The following ARMC9 variants were observed in gnomAD, a reference collection of about 807,000 sequenced individuals.
The protein encoded by ARMC9 is lisH domain-containing protein ARMC9.
In ARMC9, 94 loss-of-function variants were observed where a neutral mutation model predicts 107.0. The ratio of observed to expected loss-of-function variants is 0.88; its 90% CI spans 0.74 to 1.04. ARMC9 has a LOEUF of 1.04. Among genes scored for constraint, ARMC9 ranks in the 50% least tolerant of loss-of-function variants. ARMC9 has a pLI of 0.00. For missense variants in ARMC9, 942 were observed against 1,030.1 expected, an observed-to-expected ratio of 0.91 and a Z score of 1.17; for synonymous variants, 380 against 396.9, an observed-to-expected ratio of 0.96 and a Z score of 0.51.
At chr2:231,303,386 T>C (rs150074052) in intron 19 of ARMC9, among the ~76,000 whole-genome samples, 37 of 152,354 alleles carry the variant, frequency 2.4e-4, no homozygotes, top group African/African-American at 8.2e-4. Flanking sequence ...GAGACTCTAG[T>C]ACAATGCCAA....
intron 20 of ARMC9, among the ~76,000 whole-genome samples, chr2:231,340,678 G>A (rs1327835918): frequency 6.6e-6 from 1 of 152,142 alleles, no homozygotes; most frequent in Non-Finnish European, 1.5e-5. Flanking sequence ...CCTGAGGTCA[G>A]GAGTTCGAGA....
rs1396484730 is a variant in ARMC9 at position 231,282,062 on chromosome 2, C to T, written c.1555C>T (p.Gln519Ter). 6.2e-7 allele frequency: 1 copy of T among 1,613,998 alleles called. No individual in the cohort carries two copies. The highest frequency in any genetic ancestry group is 8.5e-7 in the Non-Finnish European group (1 of 1,179,912). ...GGTTTTTTTCCTCCCCTTAAAGATACAGCCGTATGTGAATGGAGCTCTGTA... is the reference window on the plus strand; with the variant it reads ...GGTTTTTTTCCTCCCCTTAAAGATATAGCCGTATGTGAATGGAGCTCTGTA... Reference protein sequence around the residue: ...DLLGHENHEIQPYVNGALYSI... With the variant: ...DLLGHENHEI Residue 519 changes from glutamine (Q) to a stop codon, truncating the protein, a stop_gained, in exon 17 of 25, where the codon CAG becomes TAG. Transcript: ENST00000611582. LOFTEE classifies it high-confidence loss of function.
At chr2:231,228,602 G>T (rs970281543) in intron 7 of ARMC9, among the ~76,000 whole-genome samples, 18 of 152,216 alleles carry the variant, frequency 1.2e-4, no homozygotes, top group Admixed American at 5.2e-4. Context: ...CATTTCTGCT[G>T]CATTCTGTTT....
In ARMC9 at chr2:231,255,378, TGAAGA is replaced by T. The variant is rs910937001; in HGVS notation, c.880-1204_880-1200del. Among the ~76,000 whole-genome samples the T allele has an allele frequency of 1.3e-5, 2 of 152,202 alleles. No individual in the cohort carries two copies. The highest frequency in any genetic ancestry group is 2.9e-5 in the Non-Finnish European group (2 of 68,036). ...GGTACAAAGTGCACATTTTTATACT[TGAAGA>T]GAAAATCTTAATAAAGAAAAAAACC... On this transcript the variant is annotated intron_variant, in intron 9 of 24. Transcript: ENST00000611582. The surrounding 1 kb of genome is among the most constrained non-coding windows in gnomAD (Gnocchi z 4.7).
At chr2:231,368,522 G>A (rs1039541528) in intron 23 of ARMC9, among the ~76,000 whole-genome samples, 1 of 152,206 alleles carries the variant, frequency 6.6e-6, no homozygotes, top group African/African-American at 2.4e-5. Context: ...TAAAAGCAGA[G>A]TGGTAACAGG....
chr2:231,350,637 A>G (rs1054978707), intron 21 of ARMC9, among the ~76,000 whole-genome samples: 27 of 110,066 alleles, frequency 2.5e-4, no homozygotes, highest in Admixed American at 2.3e-4. Context: ...AAAAAAAAAG[A>G]AAAAGAAAAA....
rs1190132204 is a variant in ARMC9 at position 231,376,147 on chromosome 2, G to A, written c.*4612G>A. ...GGGATGTATGTTGCCTCAGGACCCT[G>A]TAATAATTGCATTAACTGCACAAAT... On this transcript the variant is annotated 3_prime_UTR_variant, in exon 25 of 25. Transcript: ENST00000611582. 3.3e-5 allele frequency among the ~76,000 whole-genome samples: 5 copies of A among 152,084 alleles called. No homozygotes were observed. Among genetic ancestry groups the A allele is most frequent in the African/African-American group, 1.2e-4 (5 of 41,386 alleles).
rs1281213479 is a variant in ARMC9, at chr2:231,372,043, C to G, written c.*508C>G. ...TATTCTCAAGCCTGCGTCTCAGCAG[C>G]AAAGTTGGTGTTTTCTTCCTGTGTT... On this transcript the variant is annotated 3_prime_UTR_variant, in exon 25 of 25. Transcript: ENST00000611582. 6.5e-6 allele frequency: 1 copy of G among 153,860 alleles called. No individual in the cohort carries two copies. Among genetic ancestry groups the G allele is most frequent in the Non-Finnish European group, 1.4e-5 (1 of 69,208 alleles). 9.5% of individuals were successfully genotyped at this position (153,860 alleles called of 1,614,324 possible).
rs2043515562 is a variant in ARMC9, at chr2:231,328,816, T to TTTTTTTTTTTTTTTTTTTTTA, written c.1774-2975_1774-2974insTTTTTTTTTTTTTTTTTTATT. Among the ~76,000 whole-genome samples, 2 of 131,580 alleles carry TTTTTTTTTTTTTTTTTTTTTA rather than the reference T, an allele frequency of 1.5e-5. 1 individual carries two copies. Among genetic ancestry groups the TTTTTTTTTTTTTTTTTTTTTA allele is most frequent in the Non-Finnish European group, 3.4e-5 (2 of 59,384 alleles). The allele number at this position is 131,580 out of a possible 152,430, so 86.3% of individuals were successfully genotyped here. ...CGTGTTCAATTTTCTTTTCTTTTCT[T>TTTTTTTTTTTTTTTTTTTTTA]TTCTTTTTTTTTTTTTGAGTCGGAG... On this transcript the variant is annotated intron_variant, in intron 19 of 24. Coordinates refer to ENST00000611582, the MANE Select transcript of ARMC9 (RefSeq NM_001352754.2).
chr2:231,235,213 T>A lies in ARMC9; in HGVS notation c.623-11T>A. On this transcript the variant is annotated splice_polypyrimidine_tract_variant and intron_variant, in intron 7 of 24. Coordinates refer to ENST00000611582, the MANE Select transcript of ARMC9 (RefSeq NM_001352754.2). ...TTTTATTGATGTTGTTTGTTTTAAC[T>A]GTCTTCCTAGAAATCTTGCAGCAGC... is the stretch of plus-strand genomic sequence containing the variant. The A allele has an allele frequency of 6.2e-7, 1 of 1,607,112 alleles. No individual in the cohort carries two copies. The highest frequency in any genetic ancestry group is 8.5e-7 in the Non-Finnish European group (1 of 1,177,028).
intron 21 of ARMC9, 50 bp from the exon 22 acceptor site, chr2:231,355,743 AGTCCG>A (rs2045316277): frequency 6.7e-7 from 1 of 1,491,832 alleles, no homozygotes; most frequent in African/African-American, 1.4e-5. Context: ...GGCAGTCGGC[AGTCCG>A]AATCTCCTGG....
chr2:231,278,697 C>T (rs1241503536), intron 16 of ARMC9, among the ~76,000 whole-genome samples: 2 of 151,726 alleles, frequency 1.3e-5, no homozygotes, highest in African/African-American at 2.4e-5. Context: ...TGGCCTGTGC[C>T]GGGCCCCTCC....
rs1221382472 is a variant in ARMC9, at chr2:231,262,542, T to C, written c.1119+144T>C. 5.2e-6 allele frequency: 4 copies of C among 774,720 alleles called. No homozygotes were observed. The East Asian group carries it at 1.1e-4, about 21-fold the overall frequency. The allele number at this position is 774,720 out of a possible 1,614,324, so 48.0% of individuals were successfully genotyped here. On this transcript the variant is annotated intron_variant, in intron 12 of 24. Transcript: ENST00000611582. ...CCTTGAGCTCATGAGGTTCTGGGCA[T>C]TGGCTTACTTTTTGCTTCTAGTGAA...
In ARMC9 at chr2:231,217,413, G is replaced by A. The variant is rs530054403; in HGVS notation, c.504+620G>A. ...AGCCTGGCCAACATGGGGAGACCCC[G>A]TCTCTACTAAAAGTACAAAAATTAG... is the stretch of plus-strand genomic sequence containing the variant. On this transcript the variant is annotated intron_variant, in intron 5 of 24. Transcript: ENST00000611582. Among the ~76,000 whole-genome samples, 8 of 152,148 alleles carry A rather than the reference G, an allele frequency of 5.3e-5. No homozygotes were observed. In the South Asian group the frequency reaches 1.5e-3, roughly 28 times the overall value.
chr2:231,363,836 A>C (rs370337936), intron 23 of ARMC9, among the ~76,000 whole-genome samples: 1 of 141,156 alleles, frequency 7.1e-6, no homozygotes, highest in Non-Finnish European at 1.5e-5. Context: ...GTGAGCCGAG[A>C]TCGCACCACT....
At chr2:231,328,261 T>C (rs1353624986) in intron 19 of ARMC9, among the ~76,000 whole-genome samples, 1 of 152,238 alleles carries the variant, frequency 6.6e-6, no homozygotes, top group African/African-American at 2.4e-5. Context: ...GTTTGGGTAT[T>C]TTGAATGTTG....
intron 19 of ARMC9, among the ~76,000 whole-genome samples, chr2:231,299,473 C>T (rs991589335): frequency 1.3e-5 from 2 of 152,094 alleles, no homozygotes; most frequent in African/African-American, 4.8e-5. Context: ...AGAAGTGAGA[C>T]TAGGACACGG....
At chr2:231,234,193 G>A (rs537120248) in intron 7 of ARMC9, among the ~76,000 whole-genome samples, 16 of 152,246 alleles carry the variant, frequency 1.1e-4, no homozygotes, top group Admixed American at 2.6e-4. Context: ...ACCTCCTTTC[G>A]TCCAAAGTGT....
Position 231,337,272 on chromosome 2 carries a change from A to G in ARMC9, c.1878+5375A>G, listed in dbSNP as rs57522848. On this transcript the variant is annotated intron_variant, in intron 20 of 24. Coordinates refer to ENST00000611582, the MANE Select transcript of ARMC9 (RefSeq NM_001352754.2). ...ACTCAATGTCTATACGTGTGTGTGT[A>G]TATATATATATATATATATTTTTTT... 8.0e-3 allele frequency among the ~76,000 whole-genome samples: 505 copies of G among 63,468 alleles called. 6 individuals are homozygous for G. The highest frequency in any genetic ancestry group is 0.024 in the African/African-American group (407 of 16,622). 41.6% of individuals were successfully genotyped at this position (63,468 alleles called of 152,430 possible).
Sources: gnomAD v4.1 joint callset for allele counts (sites outside exome capture counted in the v4.1 genomes callset) on GRCh38, gnomAD v4.1.1 for gene constraint, Gnocchi (gnomAD v3.1) non-coding constraint, MANE v1.5 for transcripts, NCBI Gene and HGNC (gene_info 2026-07-23, HGNC 2026-07-21) for gene names.